The following AUTS2 variants were observed in gnomAD, a reference collection of about 807,000 sequenced individuals.
AUTS2 encodes activator of transcription and developmental regulator AUTS2, also known as autism susceptibility gene 2 protein.
Under a neutral mutation model 112.4 loss-of-function variants are expected in AUTS2, and 17 were observed. The observed-to-expected ratio is 0.15, with a 90% CI of 0.10 to 0.23. AUTS2 has a LOEUF of 0.23. AUTS2 is among the 10% of genes least tolerant of loss of function. AUTS2 has a pLI of 1.00. For synonymous variants in AUTS2, 751 were observed against 702.7 expected (o/e 1.07, Z -1.09); for missense variants, 1,510 against 1,701.6 (o/e 0.89, Z 1.98).
intron 5 of AUTS2, among the ~76,000 whole-genome samples, chr7:70,666,361 C>A (rs1276020467): frequency 6.6e-6 from 1 of 152,182 alleles, no homozygotes; most frequent in East Asian, 1.9e-4. Flanking sequence ...AGAAGTTAGA[C>A]AAGCAATGAG....
chr7:70,228,365 G>GA (rs1284342397), intron 4 of AUTS2, among the ~76,000 whole-genome samples: 2 of 150,484 alleles, frequency 1.3e-5, no homozygotes, highest in African/African-American at 2.4e-5. Context: ...GGTCTCTTTT[G>GA]AAAAAAATCC....
intron 4 of AUTS2, among the ~76,000 whole-genome samples, chr7:70,425,933 T>C (rs1234461684): frequency 6.6e-6 from 1 of 152,216 alleles, no homozygotes; most frequent in Non-Finnish European, 1.5e-5. Context: ...TTATTACATA[T>C]GTACTTATAC....
At chr7:70,156,052 G>A (rs1324154942) in intron 4 of AUTS2, among the ~76,000 whole-genome samples, 11 of 152,050 alleles carry the variant, frequency 7.2e-5, no homozygotes, top group African/African-American at 1.2e-4. Flanking sequence ...GTGTCTGACC[G>A]GATTGTCTCC....
chr7:70,176,679 A>G (rs1413472156), intron 4 of AUTS2, among the ~76,000 whole-genome samples: 2 of 152,228 alleles, frequency 1.3e-5, no homozygotes, highest in African/African-American at 4.8e-5. Flanking sequence ...TCTGAAAAAT[A>G]TATTTGTTCC....
intron 4 of AUTS2, among the ~76,000 whole-genome samples, chr7:70,364,160 G>C (rs1041252306): frequency 1.3e-5 from 2 of 152,100 alleles, no homozygotes; most frequent in African/African-American, 2.4e-5. Context: ...ATGGAAGGAA[G>C]GGAGACTGGC....
At chr7:69,731,058 G>A (rs1177838392) in intron 1 of AUTS2, among the ~76,000 whole-genome samples, 1 of 152,202 alleles carries the variant, frequency 6.6e-6, no homozygotes, top group Non-Finnish European at 1.5e-5. Flanking sequence ...CACTTTGGGA[G>A]GCCAAGGTGG....
chr7:70,081,541 AC>A (rs1460480673), intron 2 of AUTS2, among the ~76,000 whole-genome samples: 10 of 152,108 alleles, frequency 6.6e-5, no homozygotes, highest in African/African-American at 2.4e-4. Flanking sequence ...AGTCTGGGCA[AC>A]AGAGCAAGAC....
chr7:69,971,327 C>T (rs1412829209), intron 2 of AUTS2, among the ~76,000 whole-genome samples: 1 of 152,098 alleles, frequency 6.6e-6, no homozygotes, highest in East Asian at 1.9e-4. Context: ...GAATTGTTTT[C>T]TCATCTATTA....
chr7:70,112,773 A>G (rs902122717), intron 2 of AUTS2, among the ~76,000 whole-genome samples: 2 of 151,894 alleles, frequency 1.3e-5, no homozygotes, highest in Admixed American at 6.6e-5. Flanking sequence ...TGGGACATCA[A>G]TCTGTTGATT....
At chr7:69,665,618 C>A (rs532374266) in intron 1 of AUTS2, among the ~76,000 whole-genome samples, 1 of 152,154 alleles carries the variant, frequency 6.6e-6, no homozygotes, top group Non-Finnish European at 1.5e-5. Context: ...TCTTCCCAGA[C>A]GGTGCTCTGT....
chr7:70,789,666 A>ACCATTTCACCCGCAGCCC, intron 18 of AUTS2, 82 bp from the exon 19 acceptor site: 1 of 1,500,342 alleles, frequency 6.7e-7, no homozygotes, highest in Non-Finnish European at 9.0e-7. Context: ...TCTTCACACC[A>ACCATTTCACCCGCAGCCC]CCATTTCACC....
chr7:70,610,587 C>T (rs1028725327), intron 5 of AUTS2, among the ~76,000 whole-genome samples: 2 of 151,776 alleles, frequency 1.3e-5, no homozygotes, highest in Non-Finnish European at 2.9e-5. Flanking sequence ...CACAGGTGCA[C>T]GCCACTACAC....
intron 1 of AUTS2, among the ~76,000 whole-genome samples, chr7:69,646,634 A>G (rs1045886047): frequency 6.6e-6 from 1 of 152,214 alleles, no homozygotes; most frequent in Non-Finnish European, 1.5e-5. Flanking sequence ...TAACAGACCA[A>G]TGTGGGTAAT....
chr7:70,516,270 C>G (rs959819212), intron 5 of AUTS2, among the ~76,000 whole-genome samples: 1 of 152,084 alleles, frequency 6.6e-6, no homozygotes, highest in Non-Finnish European at 1.5e-5. Context: ...GAAGCTGCCC[C>G]CCTCCTCCTT....
intron 1 of AUTS2, among the ~76,000 whole-genome samples, chr7:69,808,508 G>A (rs1194114806): frequency 1.3e-5 from 2 of 151,948 alleles, no homozygotes; most frequent in Non-Finnish European, 2.9e-5. Context: ...AGGTCACTTG[G>A]AAGTAAAAAA....
chr7:69,752,456 A>G (rs1159864275), intron 1 of AUTS2, among the ~76,000 whole-genome samples: 1 of 152,206 alleles, frequency 6.6e-6, no homozygotes, highest in Admixed American at 6.5e-5. Flanking sequence ...CTCTGTATCT[A>G]ATTTCTGAAC....
intron 6 of AUTS2, among the ~76,000 whole-genome samples, chr7:70,756,273 A>C (rs1544009): frequency 1.3e-5 from 2 of 152,080 alleles, no homozygotes; most frequent in Non-Finnish European, 2.9e-5. Context: ...TTACTTACTT[A>C]TTATGTGTTG....
chr7:70,348,077 G>A (rs991025448), intron 4 of AUTS2, among the ~76,000 whole-genome samples: 6 of 152,162 alleles, frequency 3.9e-5, no homozygotes, highest in South Asian at 2.1e-4. Context: ...GGAAATGAAA[G>A]CCTTGGAGGA....
chr7:70,022,570 A>G (rs1314764840), intron 2 of AUTS2, among the ~76,000 whole-genome samples: 2 of 152,034 alleles, frequency 1.3e-5, no homozygotes, highest in African/African-American at 2.4e-5. Flanking sequence ...GTCTGCCCCC[A>G]TTGGCCTTCC....
Sources: gnomAD v4.1 joint callset for allele counts (sites outside exome capture counted in the v4.1 genomes callset) on GRCh38, gnomAD v4.1.1 for gene constraint, MANE v1.5 for transcripts, NCBI Gene and HGNC (gene_info 2026-07-23, HGNC 2026-07-21) for gene names.